The following SPIDR variants were observed in gnomAD, a reference collection of about 807,000 sequenced individuals.
The protein encoded by SPIDR is scaffold protein involved in DNA repair, also known as DNA repair-scaffolding protein.
SPIDR carries 93 observed loss-of-function variants against 104.6 expected under a neutral mutation model. The observed-to-expected ratio is 0.89, with a 90% CI of 0.75 to 1.06. The LOEUF (loss-of-function observed/expected upper bound fraction) is 1.06. Ranked by LOEUF, SPIDR falls within the 50% of genes least tolerant of loss-of-function variation. The pLI is 0.00. For synonymous variants in SPIDR, 431 were observed against 416.9 expected, an observed-to-expected ratio of 1.03 and a Z score of -0.41; for missense variants, 1,154 against 1,111.2, an observed-to-expected ratio of 1.04 and a Z score of -0.55.
intron 8 of SPIDR, among the ~76,000 whole-genome samples, chr8:47,567,514 C>T (rs55941013): frequency 0.44 from 67,496 of 151,918 alleles, 18,401 homozygotes; most frequent in East Asian, 0.66. Context: ...CCACCCCGCC[C>T]GGCCTGAGGA....
rs1003052776 is a variant in SPIDR, at chr8:47,572,094, T to C, written c.1098-23717T>C. On this transcript the variant is annotated intron_variant, in intron 8 of 19. Transcript: ENST00000297423. ...CTCAGTAAATGTACTAGAAAAAAAT[T>C]TAACTGAAATAGTGTAATATTTGAT... is the stretch of plus-strand genomic sequence containing the variant. Among the ~76,000 whole-genome samples the C allele has an allele frequency of 2.0e-5, 3 of 152,164 alleles. No individual in the cohort carries two copies. The South Asian group carries it at 6.2e-4, about 31-fold the overall frequency.
chr8:47,448,282 T>C (rs2071064424), intron 8 of SPIDR, among the ~76,000 whole-genome samples: 1 of 152,232 alleles, frequency 6.6e-6, no homozygotes, highest in Non-Finnish European at 1.5e-5. Flanking sequence ...TAGTAGGCAC[T>C]CAGTAACTAT....
intron 8 of SPIDR, among the ~76,000 whole-genome samples, chr8:47,460,650 A>C (rs1554712851): frequency 6.6e-6 from 1 of 152,188 alleles, no homozygotes. Flanking sequence ...ATTTACACTC[A>C]ACATTAGTAT....
intron 8 of SPIDR, among the ~76,000 whole-genome samples, chr8:47,461,970 T>G (rs1209654272): frequency 2.0e-5 from 3 of 152,090 alleles, no homozygotes; most frequent in East Asian, 1.9e-4. Flanking sequence ...GTGTGATTTT[T>G]GGGGGGTGTT....
intron 1 of SPIDR, among the ~76,000 whole-genome samples, chr8:47,278,381 G>A (rs1222991970): frequency 6.7e-6 from 1 of 149,910 alleles, no homozygotes; most frequent in Non-Finnish European, 1.5e-5. Flanking sequence ...ATGCAGTGGT[G>A]CAATCATGGC....
intron 5 of SPIDR, among the ~76,000 whole-genome samples, chr8:47,306,286 G>T (rs932890330): frequency 6.6e-6 from 1 of 151,858 alleles, no homozygotes; most frequent in African/African-American, 2.4e-5. Context: ...GATTATAGGC[G>T]CACGCCACCA....
At chr8:47,484,730 C>T (rs1554729593) in intron 8 of SPIDR, among the ~76,000 whole-genome samples, 1 of 152,136 alleles carries the variant, frequency 6.6e-6, no homozygotes, top group Admixed American at 6.5e-5. Flanking sequence ...TCATTGGGAC[C>T]AGTAGTAATA....
At chr8:47,430,538 C>A (rs1378944641) in intron 7 of SPIDR, among the ~76,000 whole-genome samples, 3 of 152,120 alleles carry the variant, frequency 2.0e-5, no homozygotes, top group Non-Finnish European at 2.9e-5. Context: ...ATTTTCAACT[C>A]TCTGTGCTAC....
rs2091489205 is a variant in SPIDR at position 47,557,760 on chromosome 8, T to C, written c.1098-38051T>C. On this transcript the variant is annotated intron_variant, in intron 8 of 19. Coordinates refer to ENST00000297423, the MANE Select transcript of SPIDR (RefSeq NM_001080394.4). ...AGTTCATGAACCTTTGGTATATCAC[T>C]AAAGACAATTAAGACCTTTTGAGAT... 3.9e-5 allele frequency among the ~76,000 whole-genome samples: 6 copies of C among 152,216 alleles called. No individual in the cohort carries two copies. In the South Asian group the frequency reaches 1.0e-3, roughly 26 times the overall value.
chr8:47,617,721 A>G (rs763708922), intron 10 of SPIDR, among the ~76,000 whole-genome samples: 2 of 152,218 alleles, frequency 1.3e-5, no homozygotes, highest in African/African-American at 2.4e-5. Flanking sequence ...AAAGAGAGAA[A>G]AAACAGCTCC....
intron 7 of SPIDR, among the ~76,000 whole-genome samples, chr8:47,438,359 G>A (rs1025264703): frequency 6.6e-6 from 1 of 152,212 alleles, no homozygotes; most frequent in African/African-American, 2.4e-5. Flanking sequence ...TGCTCCTGTG[G>A]CCGCTGTAGC....
intron 8 of SPIDR, among the ~76,000 whole-genome samples, chr8:47,475,201 AT>A (rs1199292179): frequency 3.9e-5 from 6 of 152,222 alleles, no homozygotes; most frequent in Non-Finnish European, 8.8e-5. Context: ...CTGAGTTCGT[AT>A]ACCTGCTGGT....
At chr8:47,674,666 C>G (rs900124806) in intron 11 of SPIDR, among the ~76,000 whole-genome samples, 1 of 152,162 alleles carries the variant, frequency 6.6e-6, no homozygotes, top group Non-Finnish European at 1.5e-5. Flanking sequence ...ATAACAGTAT[C>G]GGAAGGAGGA....
intron 8 of SPIDR, among the ~76,000 whole-genome samples, chr8:47,498,980 G>A (rs898126143): frequency 6.6e-6 from 1 of 152,072 alleles, no homozygotes; most frequent in Admixed American, 6.5e-5. Flanking sequence ...TCACTACCAC[G>A]AGGGTTTTTC....
intron 8 of SPIDR, among the ~76,000 whole-genome samples, chr8:47,546,159 G>A (rs2089330023): frequency 6.6e-6 from 1 of 151,274 alleles, no homozygotes; most frequent in East Asian, 1.9e-4. Context: ...TCTATTTCGT[G>A]AAAAAGATTA....
chr8:47,398,094 G>A (rs143217591), intron 6 of SPIDR, among the ~76,000 whole-genome samples: 110 of 152,058 alleles, frequency 7.2e-4, no homozygotes, highest in African/African-American at 2.6e-3. Flanking sequence ...AAGAAGTTGT[G>A]GCCTCAAAAA....
Position 47,486,556 on chromosome 8 carries a change from A to C in SPIDR, c.1097+46014A>C, listed in dbSNP as rs181221667. ...TCCAAGACACATAATTGTCACATTC[A>C]CCAAGGTTGAAATGGAGGAAAAAAT... is the stretch of plus-strand genomic sequence containing the variant. On this transcript the variant is annotated intron_variant, in intron 8 of 19. Coordinates refer to ENST00000297423, the MANE Select transcript of SPIDR (RefSeq NM_001080394.4). Among the ~76,000 whole-genome samples the C allele has an allele frequency of 1.3e-3, 198 of 152,290 alleles. 1 individual carries two copies. The highest frequency in any genetic ancestry group is 3.1e-3 in the East Asian group (16 of 5,186).
At chr8:47,341,521 A>G (rs1241679822) in intron 5 of SPIDR, among the ~76,000 whole-genome samples, 2 of 152,226 alleles carry the variant, frequency 1.3e-5, no homozygotes, top group Non-Finnish European at 2.9e-5. Flanking sequence ...GTTAGTAAAT[A>G]CTAAATTCCA....
At chr8:47,680,113 C>T (rs181828080) in intron 11 of SPIDR, among the ~76,000 whole-genome samples, 2 of 152,272 alleles carry the variant, frequency 1.3e-5, no homozygotes, top group African/African-American at 2.4e-5. Flanking sequence ...CACAGACCCT[C>T]GGTGTCCTCA....
Sources: allele counts gnomAD v4.1 joint callset (sites outside exome capture counted in the v4.1 genomes callset), GRCh38; gene constraint gnomAD v4.1.1; transcripts MANE v1.5; gene names NCBI Gene and HGNC (gene_info 2026-07-23, HGNC 2026-07-21).